Variants in GON7 observed in about 807,000 individuals in gnomAD.
GON7 encodes EKC/KEOPS complex subunit GON7.
A neutral mutation model predicts 7.6 loss-of-function variants in GON7; 2 were observed. That is an observed-to-expected ratio of 0.26 (90% CI 0.11 to 0.83). GON7 has a LOEUF of 0.83. Ranked by LOEUF, GON7 falls within the 40% of genes least tolerant of loss-of-function variation. The pLI is 0.65. For synonymous variants in GON7, 54 were observed against 56.6 expected, an observed-to-expected ratio of 0.95 and a Z score of 0.20; for missense variants, 121 against 132.2, an observed-to-expected ratio of 0.92 and a Z score of 0.42.
Position 93,203,659 on chromosome 14 carries a change from C to T in GON7, c.*29G>A, listed in dbSNP as rs1264811510. 1 of 1,579,892 alleles carries T rather than the reference C, an allele frequency of 6.3e-7. No homozygotes were observed. The highest frequency in any genetic ancestry group is 1.3e-5 in the African/African-American group (1 of 74,334). On this transcript the variant is annotated 3_prime_UTR_variant, in exon 2 of 2. Transcript: ENST00000306954. Reference sequence around the variant, plus strand: ...TAGTGTGACAATAAGGATACAACAGCCATCTTTTAAATGTCATGAAGGCTA... The same window carrying T: ...TAGTGTGACAATAAGGATACAACAGTCATCTTTTAAATGTCATGAAGGCTA...
chr14:93,206,887 G>C lies in GON7; in HGVS notation c.151C>G (p.Leu51Val). The change falls in exon 1 of 2, where the codon CTG (leucine) becomes GTG (valine). Residue 51 changes from leucine to valine, a missense_variant. By Grantham distance (32) the Leu-to-Val change is conservative. Transcript: ENST00000306954. ...KDMVTELFDP[L>V]VQGEVQHRVA... ...CGGTGCTGCACTTCCCCCTGTACCA[G>C]AGGGTCGAATAATTCCGTTACCATG... 6.2e-7 allele frequency: 1 copy of C among 1,614,222 alleles called. No individual in the cohort carries two copies. The highest frequency in any genetic ancestry group is 8.5e-7 in the Non-Finnish European group (1 of 1,180,050).
In GON7 at chr14:93,206,965, C is replaced by G; in HGVS notation, c.73G>C (p.Gly25Arg). 6.2e-7 allele frequency: 1 copy of G among 1,614,222 alleles called. No homozygotes were observed. The highest frequency in any genetic ancestry group is 8.5e-7 in the Non-Finnish European group (1 of 1,180,036). The change falls in exon 1 of 2, where the codon GGT (glycine) becomes CGT (arginine). Residue 25 changes from glycine to arginine, a missense_variant. Transcript: ENST00000306954. Reference sequence around the variant, plus strand: ...AGGCCCTGGAAAGGGTCGCCGTCACCCGGCGCCTCACAGGACACCCGCAGC... The same window carrying G: ...AGGCCCTGGAAAGGGTCGCCGTCACGCGGCGCCTCACAGGACACCCGCAGC... ...QKLRVSCEAPGDGDPFQGLLS... is the reference protein window; with the variant it reads ...QKLRVSCEAPRDGDPFQGLLS...
intron 1 of GON7, 136 bp downstream of exon 1, chr14:93,206,694 A>G: frequency 2.0e-6 from 2 of 1,020,438 alleles, no homozygotes; most frequent in South Asian, 1.7e-5. Flanking sequence ...AGCCCGCCAA[A>G]AATTTTTAGA....
In GON7 at chr14:93,203,463, A is replaced by G. The variant is rs762046820; in HGVS notation, c.*225T>C. ...GATTTTATACATTATGAAGTGTTCT[A>G]TTTTCCTTCCAGGGTCTGAAATTTA... On this transcript the variant is annotated 3_prime_UTR_variant, in exon 2 of 2. Coordinates refer to ENST00000306954, the MANE Select transcript of GON7 (RefSeq NM_032490.5). The G allele has an allele frequency of 4.6e-5, 23 of 496,380 alleles. No homozygotes were observed. The highest frequency in any genetic ancestry group is 6.4e-5 in the Non-Finnish European group (18 of 279,734). 30.7% of individuals were successfully genotyped at this position (496,380 alleles called of 1,614,324 possible).
intron 1 of GON7, among the ~76,000 whole-genome samples, chr14:93,206,618 T>G (rs1287469779): frequency 6.6e-6 from 1 of 151,374 alleles, no homozygotes; most frequent in Non-Finnish European, 1.5e-5. Context: ...ACTCCTGACC[T>G]CAAGTGATCC....
At chr14:93,206,678 T>A in intron 1 of GON7, 152 bp downstream of exon 1, 1 of 778,564 alleles carries the variant, frequency 1.3e-6, no homozygotes, top group South Asian at 1.9e-5. Flanking sequence ...GAGCCCCACT[T>A]CGCCTAGCCC....
chr14:93,206,755 AC>A, intron 1 of GON7, 74 bp downstream of exon 1: 1 of 1,433,934 alleles, frequency 7.0e-7, no homozygotes, highest in Non-Finnish European at 9.4e-7. Flanking sequence ...GCCACTCTAC[AC>A]GGGCTCCCCA....
chr14:93,206,712 C>T (rs1894352638), intron 1 of GON7, 118 bp downstream of exon 1: 2 of 1,149,190 alleles, frequency 1.7e-6, no homozygotes, highest in Middle Eastern at 2.9e-4. Flanking sequence ...AGATGCAATT[C>T]TTCTTTCCTC....
intron 1 of GON7, among the ~76,000 whole-genome samples, chr14:93,204,911 T>C (rs931378959): frequency 3.9e-5 from 6 of 152,206 alleles, no homozygotes; most frequent in African/African-American, 1.4e-4. Context: ...ATCAGCCCAC[T>C]GCAGCTTCAA....
chr14:93,206,821 A>T lies in GON7; in HGVS notation c.208+9T>A. 2 of 1,612,362 alleles carry T rather than the reference A, an allele frequency of 1.2e-6. No homozygotes were observed. Among genetic ancestry groups the T allele is most frequent in the South Asian group, 2.2e-5 (2 of 90,858 alleles). On this transcript the variant is annotated intron_variant, in intron 1 of 1. Coordinates refer to ENST00000306954, the MANE Select transcript of GON7 (RefSeq NM_032490.5). ...CCTCCGGTCACTGCAGCACCGTCTC[A>T]GAGCTCACCGTCCAAGTCCTCGTCT...
At chr14:93,204,282 T>C (rs1026912885) in intron 1 of GON7, among the ~76,000 whole-genome samples, 12 of 152,082 alleles carry the variant, frequency 7.9e-5, no homozygotes, top group South Asian at 2.1e-4. Flanking sequence ...GTATGAACCA[T>C]TGTGGCTGGC....
At position 93,207,032 on chromosome 14, in the gene GON7, C is replaced by T. The variant is rs749506929; in HGVS notation, c.6G>A (p.Glu2=). The change falls in exon 1 of 2, where the codon GAG becomes GAA. Residue 2 remains glutamate, a synonymous_variant. Transcript: ENST00000306954. The stretch of plus-strand genomic sequence containing the variant: ...CCTGCCCGACGTACTCTCCCAGCAG[C>T]TCCATGGTGACCGCTAAGCTTCCAG... M[E]LLGEYVGQEG... 2.5e-6 allele frequency: 4 copies of T among 1,613,002 alleles called. 1 individual carries two copies. The South Asian group carries it at 3.3e-5, about 13-fold the overall frequency.
At position 93,203,643 on chromosome 14, in the gene GON7, A is replaced by C. The variant is rs769420766; in HGVS notation, c.*45T>G. ...TCTTCCTTAAATGTCCTAGTGTGAC[A>C]ATAAGGATACAACAGCCATCTTTTA... is the stretch of plus-strand genomic sequence containing the variant. On this transcript the variant is annotated 3_prime_UTR_variant, in exon 2 of 2. Transcript: ENST00000306954. 6.7e-7 allele frequency: 1 copy of C among 1,490,730 alleles called. No individual in the cohort carries two copies. The highest frequency in any genetic ancestry group is 2.3e-5 in the East Asian group (1 of 44,242). 92.3% of individuals were successfully genotyped at this position (1,490,730 alleles called of 1,614,324 possible). A position where few individuals can be genotyped will look rare whatever the true frequency, so the allele number is the denominator to read the frequency against.
rs371535451 is a variant in GON7, at chr14:93,206,830, C to A, written c.208G>T (p.Gly70Cys). The A allele has an allele frequency of 2.5e-6, 4 of 1,613,100 alleles. No homozygotes were observed. In the Admixed American group the frequency reaches 6.7e-5, roughly 27 times the overall value. ...ACTGCAGCACCGTCTCAGAGCTCAC[C>A]GTCCAAGTCCTCGTCTGGAGCCGCC... The part of the protein sequence containing the change: ...VAAAPDEDLD[G>C]DDEDDAEDEN... Residue 70 changes from glycine (G) to cysteine (C), a missense_variant and splice_region_variant, in exon 1 of 2, where the codon GGT becomes TGT. Transcript: ENST00000306954.
Position 93,207,001 on chromosome 14 carries a change from T to C in GON7, c.37A>G (p.Lys13Glu). The C allele has an allele frequency of 6.2e-7, 1 of 1,613,882 alleles. No homozygotes were observed. The highest frequency in any genetic ancestry group is 8.5e-7 in the Non-Finnish European group (1 of 1,180,008). The change falls in exon 1 of 2, where the codon AAG (lysine) becomes GAG (glutamate). Residue 13 changes from lysine (K) to glutamate (E), a missense_variant. Transcript: ENST00000306954. Reference sequence around the variant, plus strand: ...CAGGACACCCGCAGCTTCTGCGGCTTCCCTTCCTGCCCGACGTACTCTCCC... The same window carrying C: ...CAGGACACCCGCAGCTTCTGCGGCTCCCCTTCCTGCCCGACGTACTCTCCC... ...LLGEYVGQEG[K>E]PQKLRVSCEA...
At position 93,206,767 on chromosome 14, in the gene GON7, A is replaced by G. The variant is rs1894353816; in HGVS notation, c.208+63T>C. Reference sequence around the variant, plus strand: ...TCTGCCACTCTACACGGGCTCCCCAAGCCAATTTCCCCTGGGCGCCCGCCC... The same window carrying G: ...TCTGCCACTCTACACGGGCTCCCCAGGCCAATTTCCCCTGGGCGCCCGCCC... On this transcript the variant is annotated intron_variant, in intron 1 of 1. Coordinates refer to ENST00000306954, the MANE Select transcript of GON7 (RefSeq NM_032490.5). The G allele has an allele frequency of 1.1e-5, 17 of 1,502,486 alleles. No individual in the cohort carries two copies. In the South Asian group the frequency reaches 1.6e-4, roughly 14 times the overall value. 93.1% of individuals were successfully genotyped at this position (1,502,486 alleles called of 1,614,324 possible). A position where few individuals can be genotyped will look rare whatever the true frequency, so the allele number is the denominator to read the frequency against.
At chr14:93,205,256 C>T (rs541783296) in intron 1 of GON7, among the ~76,000 whole-genome samples, 2 of 152,312 alleles carry the variant, frequency 1.3e-5, no homozygotes, top group African/African-American at 2.4e-5. Flanking sequence ...AGCCAACATC[C>T]ATATTATCAA....
intron 1 of GON7, among the ~76,000 whole-genome samples, chr14:93,206,100 G>A (rs1180066371): frequency 6.6e-6 from 1 of 152,088 alleles, no homozygotes; most frequent in Non-Finnish European, 1.5e-5. Context: ...CTGCCTCCAG[G>A]GTTCAAGCGA....
chr14:93,205,321 G>A (rs1314584430), intron 1 of GON7, among the ~76,000 whole-genome samples: 1 of 152,182 alleles, frequency 6.6e-6, no homozygotes, highest in Non-Finnish European at 1.5e-5. Flanking sequence ...TTACATAATT[G>A]TAAATCCTGA....
Sources: allele counts gnomAD v4.1 joint callset (sites outside exome capture counted in the v4.1 genomes callset), GRCh38; gene constraint gnomAD v4.1.1; transcripts MANE v1.5; gene names NCBI Gene and HGNC (gene_info 2026-07-23, HGNC 2026-07-21).